The following COL19A1 variants were observed in gnomAD, a reference collection of about 807,000 sequenced individuals.
COL19A1 encodes collagen alpha-1(XIX) chain.
Under a neutral mutation model 190.2 loss-of-function variants are expected in COL19A1, and 159 were observed. The ratio of observed to expected loss-of-function variants is 0.84; its 90% confidence interval spans 0.73 to 0.95. The LOEUF (loss-of-function observed/expected upper bound fraction) is 0.95. Ranked by LOEUF, COL19A1 falls within the 40% of genes least tolerant of loss-of-function variation. The probability of loss-of-function intolerance (pLI) is 0.00; values close to 1 mark genes in which losing one functional copy is unlikely to be tolerated. For synonymous variants in COL19A1, 509 were observed against 458.9 expected (o/e 1.11, Z -1.39); for missense variants, 1,418 against 1,431.9 (o/e 0.99, Z 0.16).
intron 2 of COL19A1, among the ~76,000 whole-genome samples, chr6:69,897,171 T>G (rs1469520546): frequency 6.6e-6 from 1 of 152,204 alleles, no homozygotes; most frequent in Non-Finnish European, 1.5e-5. Flanking sequence ...GAAATAAGGT[T>G]CAACATTCAG....
At chr6:70,103,533 G>T (rs181869418) in intron 16 of COL19A1, among the ~76,000 whole-genome samples, 3 of 152,234 alleles carry the variant, frequency 2.0e-5, no homozygotes, top group Admixed American at 1.3e-4. Context: ...GGCCCTTCAT[G>T]GTTTGCCTTT....
intron 7 of COL19A1, among the ~76,000 whole-genome samples, chr6:69,934,216 G>A (rs1339277061): frequency 6.6e-6 from 1 of 151,876 alleles, no homozygotes; most frequent in Non-Finnish European, 1.5e-5. Flanking sequence ...TCCACTTCAT[G>A]TATCTCATTC....
chr6:70,131,433 C>A (rs3806037), intron 18 of COL19A1, among the ~76,000 whole-genome samples: 1 of 151,900 alleles, frequency 6.6e-6, no homozygotes, highest in African/African-American at 2.4e-5. Context: ...GAGCTTCTTA[C>A]AGATTGATGA....
At chr6:70,062,898 T>C (rs1352126077) in intron 14 of COL19A1, among the ~76,000 whole-genome samples, 1 of 151,848 alleles carries the variant, frequency 6.6e-6, no homozygotes, top group Non-Finnish European at 1.5e-5. Flanking sequence ...CATTACATAA[T>C]GGTAAAGGGA....
intron 14 of COL19A1, among the ~76,000 whole-genome samples, chr6:70,037,761 A>G (rs1246131102): frequency 6.6e-6 from 1 of 152,190 alleles, no homozygotes; most frequent in African/African-American, 2.4e-5. Context: ...ATTGGATTAC[A>G]TATATTTTGT....
At position 70,190,341 on chromosome 6, in the gene COL19A1, A is replaced by G. The variant is rs147079626; in HGVS notation, c.3054A>G (p.Ile1018Met). Residue 1018 changes from isoleucine (I) to methionine (M), a missense_variant, in exon 48 of 51, where the codon ATA becomes ATG. Ile to Met is a conservative substitution (Grantham distance 10, BLOSUM62 1). Coordinates refer to ENST00000620364, the MANE Select transcript of COL19A1 (RefSeq NM_001858.6). ...IPADAVSFEE[I>M]KKYINQEVLR... ...CTGATGCAGTTTCATTTGAAGAAAT[A>G]AAGAAGTATATTAATCAAGAGGTCC... is the stretch of plus-strand genomic sequence containing the variant. 118 of 1,606,916 alleles carry G rather than the reference A, an allele frequency of 7.3e-5. No individual in the cohort carries two copies. Among genetic ancestry groups the G allele is most frequent in the Non-Finnish European group, 1.0e-4 (117 of 1,175,580 alleles).
intron 15 of COL19A1, 99 bp from the exon 16 acceptor site, chr6:70,102,070 G>A: frequency 9.8e-7 from 1 of 1,021,004 alleles, no homozygotes; most frequent in African/African-American, 1.6e-5. Flanking sequence ...TTAACTTTCT[G>A]TTCATTTTTA....
chr6:70,050,481 T>G (rs1206072864), intron 14 of COL19A1, among the ~76,000 whole-genome samples: 1 of 152,024 alleles, frequency 6.6e-6, no homozygotes, highest in Non-Finnish European at 1.5e-5. Flanking sequence ...TACAACTGTA[T>G]CCCCAGAGAC....
At chr6:70,065,630 CT>C (rs1455480515) in intron 14 of COL19A1, among the ~76,000 whole-genome samples, 1 of 152,114 alleles carries the variant, frequency 6.6e-6, no homozygotes, top group African/African-American at 2.4e-5. Context: ...AACTAAAGAG[CT>C]TCTGCACAGC....
At chr6:70,143,673 A>G (rs190021001) in intron 23 of COL19A1, among the ~76,000 whole-genome samples, 7 of 151,934 alleles carry the variant, frequency 4.6e-5, no homozygotes, top group Non-Finnish European at 8.8e-5. Context: ...TTTATAGAGC[A>G]AAGCTTTTGA....
intron 35 of COL19A1, among the ~76,000 whole-genome samples, chr6:70,162,273 G>A (rs546722501): frequency 3.9e-4 from 59 of 151,914 alleles, no homozygotes; most frequent in East Asian, 1.5e-3. Flanking sequence ...ACCTTTAGAA[G>A]AGATAGTCAA....
intron 4 of COL19A1, among the ~76,000 whole-genome samples, chr6:69,918,860 A>T (rs902297936): frequency 6.6e-6 from 1 of 152,188 alleles, no homozygotes; most frequent in Admixed American, 6.5e-5. Flanking sequence ...TTTTATTGAG[A>T]TGTGGAATCC....
chr6:70,156,277 A>G (rs1390515373), intron 32 of COL19A1, 39 bp from the exon 33 acceptor site: 7 of 1,613,144 alleles, frequency 4.3e-6, no homozygotes, highest in Non-Finnish European at 5.9e-6. Context: ...GGTTACATGT[A>G]GTGCATCCTC....
At chr6:69,924,843 T>C (rs1200459373) in intron 4 of COL19A1, among the ~76,000 whole-genome samples, 1 of 152,256 alleles carries the variant, frequency 6.6e-6, no homozygotes, top group Non-Finnish European at 1.5e-5. Flanking sequence ...CCAGTGATGA[T>C]GAGCATTTTT....
At chr6:70,040,128 A>T (rs1301460994) in intron 14 of COL19A1, among the ~76,000 whole-genome samples, 1 of 151,898 alleles carries the variant, frequency 6.6e-6, no homozygotes, top group Non-Finnish European at 1.5e-5. Flanking sequence ...TGGTACTTAA[A>T]TTTTTTTTAA....
intron 2 of COL19A1, among the ~76,000 whole-genome samples, chr6:69,888,734 C>G (rs1332303496): frequency 1.3e-5 from 2 of 149,700 alleles, no homozygotes; most frequent in Non-Finnish European, 3.0e-5. Context: ...GCTGAGATAG[C>G]GCCACTGCAC....
chr6:70,202,711 G>A (rs759121749), intron 49 of COL19A1, among the ~76,000 whole-genome samples: 1 of 152,104 alleles, frequency 6.6e-6, no homozygotes, highest in African/African-American at 2.4e-5. Context: ...AGGAAGAGCC[G>A]CTCCTACCAA....
At position 70,108,355 on chromosome 6, in the gene COL19A1, G is replaced by C. The variant is rs1248936640; in HGVS notation, c.1278+6133G>C. On this transcript the variant is annotated intron_variant, in intron 16 of 50. Coordinates refer to ENST00000620364, the MANE Select transcript of COL19A1 (RefSeq NM_001858.6). ...ATTATTGCAGTATGAGAATTGAGCA[G>C]TGGGCTCCATTTGTCACATTTGTGT... Among the ~76,000 whole-genome samples, 75 of 152,170 alleles carry C rather than the reference G, an allele frequency of 4.9e-4. 2 individuals are homozygous for C. The highest frequency in any genetic ancestry group is 8.8e-5 in the Non-Finnish European group (6 of 67,974).
chr6:70,035,288 T>C (rs115305901), intron 13 of COL19A1, among the ~76,000 whole-genome samples: 8 of 152,192 alleles, frequency 5.3e-5, no homozygotes, highest in Non-Finnish European at 1.2e-4. Context: ...AACTTTTAGA[T>C]GAACCATTTT....
Sources: gnomAD v4.1 joint callset for allele counts (sites outside exome capture counted in the v4.1 genomes callset) on GRCh38, gnomAD v4.1.1 for gene constraint, MANE v1.5 for transcripts, NCBI Gene and HGNC (gene_info 2026-07-23, HGNC 2026-07-21) for gene names.